The following CTNNA2 variants were observed in gnomAD, a reference collection of about 807,000 sequenced individuals.
CTNNA2 encodes catenin alpha 2.
In CTNNA2, 42 loss-of-function variants were observed where a neutral mutation model predicts 101.0. The observed-to-expected ratio is 0.42, with a 90% CI of 0.32 to 0.54. CTNNA2 has a LOEUF of 0.54. Among genes scored for constraint, CTNNA2 ranks in the 20% least tolerant of loss-of-function variants. CTNNA2 has a pLI of 0.14. For synonymous variants in CTNNA2, 450 were observed against 456.4 expected, an observed-to-expected ratio of 0.99 and a Z score of 0.18; for missense variants, 871 against 1,223.1, an observed-to-expected ratio of 0.71 and a Z score of 4.29.
chr2:79,424,785 C>T (rs374747677), intron 4 of CTNNA2, among the ~76,000 whole-genome samples: 3 of 152,078 alleles, frequency 2.0e-5, no homozygotes, highest in Non-Finnish European at 4.4e-5. Flanking sequence ...AGATATAAAA[C>T]GAATAATTTG....
intron 3 of CTNNA2, among the ~76,000 whole-genome samples, chr2:79,851,371 G>A (rs1290949096): frequency 1.3e-5 from 2 of 152,174 alleles, no homozygotes; most frequent in Non-Finnish European, 2.9e-5. Flanking sequence ...GTTGGACATT[G>A]TTGACTGAAT....
chr2:79,936,169 T>A (rs1687775204), intron 7 of CTNNA2, among the ~76,000 whole-genome samples: 1 of 152,192 alleles, frequency 6.6e-6, no homozygotes, highest in Non-Finnish European at 1.5e-5. Flanking sequence ...TGATTCTATT[T>A]TTTTTTTCTT....
At chr2:80,016,900 G>A (rs947805221) in intron 7 of CTNNA2, among the ~76,000 whole-genome samples, 2 of 152,086 alleles carry the variant, frequency 1.3e-5, no homozygotes, top group Non-Finnish European at 2.9e-5. Flanking sequence ...AACAATTTAG[G>A]AGCCTTTCTA....
At chr2:79,331,896 G>T (rs1434214) in intron 3 of CTNNA2, among the ~76,000 whole-genome samples, 17,879 of 152,114 alleles carry the variant, frequency 0.12, 1,159 homozygotes, top group East Asian at 0.26. Flanking sequence ...TTAGAAAGAT[G>T]GATTTGATTG....
At chr2:79,989,902 A>G (rs752824448) in intron 7 of CTNNA2, among the ~76,000 whole-genome samples, 19 of 152,320 alleles carry the variant, frequency 1.2e-4, no homozygotes, top group Middle Eastern at 3.4e-3. Flanking sequence ...CTAGATATCT[A>G]TCTGCCTTTG....
chr2:79,642,963 C>G (rs1488400762), intron 1 of CTNNA2, among the ~76,000 whole-genome samples: 1 of 151,962 alleles, frequency 6.6e-6, no homozygotes, highest in Non-Finnish European at 1.5e-5. Flanking sequence ...GAGGCCAAGG[C>G]AGGCAGATCA....
chr2:80,207,461 A>G lies in CTNNA2; in HGVS notation c.1057-185750A>G, dbSNP rs191630770. Among the ~76,000 whole-genome samples, 890 of 152,320 alleles carry G rather than the reference A, an allele frequency of 5.8e-3. 5 individuals carry two copies. Among genetic ancestry groups the G allele is most frequent in the Non-Finnish European group, 8.3e-3 (562 of 68,024 alleles). ...TGGAGTAGAGAGAGAGGTGAAATGG[A>G]GGCAGAGAGCATCCTTAAAAATAAT... is the stretch of plus-strand genomic sequence containing the variant. On this transcript the variant is annotated intron_variant, in intron 7 of 18. Transcript: ENST00000402739.
At chr2:79,658,014 T>C (rs1681740978) in intron 2 of CTNNA2, among the ~76,000 whole-genome samples, 1 of 151,874 alleles carries the variant, frequency 6.6e-6, no homozygotes, top group African/African-American at 2.4e-5. Context: ...GGTTGCTAGA[T>C]ATAAGATAAA....
At chr2:80,162,481 GC>G in intron 7 of CTNNA2, 2 of 1,602,716 alleles carry the variant, frequency 1.2e-6, no homozygotes, top group Non-Finnish European at 1.7e-6. Flanking sequence ...TTCCATCTCT[GC>G]TACTGTCTCT....
At chr2:79,419,298 A>G (rs915524786) in intron 4 of CTNNA2, among the ~76,000 whole-genome samples, 14 of 152,212 alleles carry the variant, frequency 9.2e-5, no homozygotes, top group Admixed American at 5.9e-4. Flanking sequence ...TGAGACTATC[A>G]GTAAGTATCA....
intron 2 of CTNNA2, among the ~76,000 whole-genome samples, chr2:79,238,000 C>T (rs1674578765): frequency 6.6e-6 from 1 of 152,158 alleles, no homozygotes; most frequent in Non-Finnish European, 1.5e-5. Context: ...GTGAACTTTT[C>T]CTTCGCATTC....
intron 7 of CTNNA2, among the ~76,000 whole-genome samples, chr2:79,925,806 G>C (rs1196577318): frequency 6.6e-6 from 1 of 151,270 alleles, no homozygotes; most frequent in Admixed American, 6.6e-5. Flanking sequence ...AATTGTATTT[G>C]GAAAAAAACC....
intron 4 of CTNNA2, among the ~76,000 whole-genome samples, chr2:79,450,435 G>A (rs186461712): frequency 1.1e-3 from 170 of 151,932 alleles, no homozygotes; most frequent in African/African-American, 3.9e-3. Context: ...ATAAACCAAG[G>A]CATTGTCTAA....
chr2:80,381,872 A>G (rs1444595958), intron 7 of CTNNA2, among the ~76,000 whole-genome samples: 1 of 152,160 alleles, frequency 6.6e-6, no homozygotes, highest in African/African-American at 2.4e-5. Flanking sequence ...TACTGTTTTC[A>G]AGCTTATCTA....
intron 5 of CTNNA2, among the ~76,000 whole-genome samples, chr2:79,507,462 G>A (rs771687643): frequency 7.8e-4 from 118 of 152,078 alleles, no homozygotes; most frequent in Admixed American, 4.3e-3. Context: ...CTGATCTCTC[G>A]GTTGCTGTCT....
At chr2:79,318,831 C>A (rs906030767) in intron 3 of CTNNA2, among the ~76,000 whole-genome samples, 1 of 152,150 alleles carries the variant, frequency 6.6e-6, no homozygotes, top group African/African-American at 2.4e-5. Flanking sequence ...ACGTTCTGGC[C>A]GTTTACAGAA....
At chr2:79,866,722 G>T (rs1235948034) in intron 4 of CTNNA2, 1 of 152,250 alleles carries the variant, frequency 6.6e-6, no homozygotes, top group South Asian at 2.1e-4. Context: ...CCCCCATGCA[G>T]CAAGTTGGTG....
At chr2:79,880,328 C>T (rs1181370964) in intron 6 of CTNNA2, among the ~76,000 whole-genome samples, 1 of 151,986 alleles carries the variant, frequency 6.6e-6, no homozygotes, top group Admixed American at 6.5e-5. Flanking sequence ...GATGCGGGCT[C>T]CATAAAATGA....
intron 2 of CTNNA2, among the ~76,000 whole-genome samples, chr2:79,685,441 T>G (rs1489265707): frequency 1.3e-5 from 2 of 152,148 alleles, no homozygotes; most frequent in Non-Finnish European, 1.5e-5. Context: ...AGAAGTTTCT[T>G]TTACTCCTAC....
Sources: allele counts gnomAD v4.1 joint callset (sites outside exome capture counted in the v4.1 genomes callset), GRCh38; gene constraint gnomAD v4.1.1; transcripts MANE v1.5; gene names NCBI Gene and HGNC (gene_info 2026-07-23, HGNC 2026-07-21).